SCFD2: variants seen among roughly 807,000 people sequenced by gnomAD.
SCFD2 encodes the protein sec1 family domain-containing protein 2.
In SCFD2, 54 loss-of-function variants were observed where a neutral mutation model predicts 58.9. The observed-to-expected ratio is 0.92, with a 90% CI of 0.74 to 1.15. The LOEUF (loss-of-function observed/expected upper bound fraction) is 1.15, where lower values mean the gene tolerates loss of function less well. Ranked by LOEUF, SCFD2 falls within the 50% of genes most tolerant of loss-of-function variation. The pLI is 0.00. For synonymous variants in SCFD2, 321 were observed against 335.9 expected, an observed-to-expected ratio of 0.96 and a Z score of 0.49; for missense variants, 805 against 836.6, an observed-to-expected ratio of 0.96 and a Z score of 0.47.
intron 5 of SCFD2, among the ~76,000 whole-genome samples, chr4:52,944,022 G>C (rs1431863166): frequency 6.6e-6 from 1 of 152,140 alleles, no homozygotes. Context: ...TTATTTAGCA[G>C]ATAAACCCTT....
chr4:53,235,797 G>A (rs1434657084), intron 4 of SCFD2, among the ~76,000 whole-genome samples: 3 of 152,124 alleles, frequency 2.0e-5, no homozygotes, highest in African/African-American at 7.2e-5. Flanking sequence ...GTGTGCATAC[G>A]TGTGTGCATA....
At chr4:53,247,578 G>A (rs1222682172) in intron 4 of SCFD2, among the ~76,000 whole-genome samples, 2 of 152,116 alleles carry the variant, frequency 1.3e-5, no homozygotes, top group Non-Finnish European at 2.9e-5. Flanking sequence ...AACAAGATCA[G>A]GCCGGGCGCG....
At chr4:52,890,502 C>A (rs1269295980) in intron 7 of SCFD2, among the ~76,000 whole-genome samples, 3 of 152,150 alleles carry the variant, frequency 2.0e-5, no homozygotes, top group Non-Finnish European at 2.9e-5. Flanking sequence ...TCAGCCTTTT[C>A]CATCAGAATA....
intron 4 of SCFD2, among the ~76,000 whole-genome samples, chr4:53,229,483 T>C (rs1196831750): frequency 6.6e-6 from 1 of 152,198 alleles, no homozygotes; most frequent in Non-Finnish European, 1.5e-5. Flanking sequence ...TACAACTATC[T>C]GATCTTTGAC....
At chr4:52,976,515 A>C (rs1721263815) in intron 5 of SCFD2, among the ~76,000 whole-genome samples, 1 of 152,134 alleles carries the variant, frequency 6.6e-6, no homozygotes, top group African/African-American at 2.4e-5. Flanking sequence ...AAATAGTAAA[A>C]ATTCTGGTGG....
chr4:53,080,810 T>C (rs768507753), intron 5 of SCFD2, among the ~76,000 whole-genome samples: 6 of 152,294 alleles, frequency 3.9e-5, no homozygotes, highest in Middle Eastern at 3.4e-3. Context: ...TTAATATAAA[T>C]AGCTGTTTAG....
At chr4:53,194,315 C>T (rs1318924897) in intron 4 of SCFD2, among the ~76,000 whole-genome samples, 1 of 152,090 alleles carries the variant, frequency 6.6e-6, no homozygotes, top group Admixed American at 6.6e-5. Flanking sequence ...TTAGCTTATA[C>T]CTCTGAGATT....
At chr4:52,887,574 G>A (rs1326902899) in intron 7 of SCFD2, among the ~76,000 whole-genome samples, 2 of 152,206 alleles carry the variant, frequency 1.3e-5, no homozygotes, top group Admixed American at 6.5e-5. Flanking sequence ...TCAGTCACCA[G>A]AAGGGTGGAG....
chr4:52,973,545 A>G (rs1721166855), intron 5 of SCFD2, among the ~76,000 whole-genome samples: 1 of 152,186 alleles, frequency 6.6e-6, no homozygotes, highest in Admixed American at 6.5e-5. Flanking sequence ...CCAACCAAAA[A>G]AACTCCAGGA....
At chr4:53,253,718 A>G in intron 4 of SCFD2, among the ~76,000 whole-genome samples, 1 of 123,844 alleles carries the variant, frequency 8.1e-6, no homozygotes, top group Non-Finnish European at 1.6e-5. Context: ...GAAGGGGAAC[A>G]TCACATGCTG....
intron 5 of SCFD2, among the ~76,000 whole-genome samples, chr4:53,079,267 C>G (rs1454765087): frequency 6.6e-6 from 1 of 152,128 alleles, no homozygotes; most frequent in Non-Finnish European, 1.5e-5. Context: ...TGTCCCAGCT[C>G]AAGCAGACAG....
intron 5 of SCFD2, among the ~76,000 whole-genome samples, chr4:53,133,899 A>G (rs549753786): frequency 6.6e-6 from 1 of 152,358 alleles, no homozygotes; most frequent in South Asian, 2.1e-4. Flanking sequence ...TTGTCTGTCA[A>G]TGAACATTTA....
Position 52,910,771 on chromosome 4 carries a change from C to T in SCFD2, c.1708-3180G>A, listed in dbSNP as rs76712997. On this transcript the variant is annotated intron_variant, in intron 6 of 8. Transcript: ENST00000401642. ...GTGGGAGGTAGTTTAGTCATGGGGG[C>T]GGTTACACTCATGCTGTTCTCATGA... Among the ~76,000 whole-genome samples, 1,190 of 152,176 alleles carry T rather than the reference C, an allele frequency of 7.8e-3. 13 individuals carry two copies. The highest frequency in any genetic ancestry group is 0.026 in the African/African-American group (1,059 of 41,526).
intron 5 of SCFD2, among the ~76,000 whole-genome samples, chr4:53,118,236 C>T (rs1258074610): frequency 6.6e-6 from 1 of 152,094 alleles, no homozygotes; most frequent in Non-Finnish European, 1.5e-5. Flanking sequence ...CATTGTTTTC[C>T]CAGAACCCAT....
chr4:53,326,501 A>AT (rs1367175922), intron 2 of SCFD2, among the ~76,000 whole-genome samples: 3 of 151,972 alleles, frequency 2.0e-5, no homozygotes, highest in African/African-American at 4.8e-5. Flanking sequence ...CCTTAACCTG[A>AT]TAAAAAAAAA....
chr4:53,237,823 C>G (rs1729701271), intron 4 of SCFD2, among the ~76,000 whole-genome samples: 1 of 10,372 alleles, frequency 9.6e-5, no homozygotes, highest in Non-Finnish European at 2.1e-4. Context: ...CAGAGGGGCT[C>G]CTCACTTCCC....
intron 4 of SCFD2, among the ~76,000 whole-genome samples, chr4:53,162,987 T>C (rs1726899693): frequency 6.6e-6 from 1 of 152,204 alleles, no homozygotes; most frequent in African/African-American, 2.4e-5. Context: ...GGCATTTCAG[T>C]GGCTGAGGCC....
At chr4:53,248,918 G>T (rs1035882071) in intron 4 of SCFD2, among the ~76,000 whole-genome samples, 11 of 152,336 alleles carry the variant, frequency 7.2e-5, no homozygotes, top group African/African-American at 1.9e-4. Context: ...CCAAAGGAAC[G>T]CAGTTCCTCA....
intron 2 of SCFD2, among the ~76,000 whole-genome samples, chr4:53,345,467 G>A (rs889429098): frequency 2.0e-5 from 3 of 152,152 alleles, no homozygotes; most frequent in African/African-American, 7.2e-5. Context: ...GAGAGGATGT[G>A]GAGAAATAGG....
Sources: allele counts gnomAD v4.1 joint callset (sites outside exome capture counted in the v4.1 genomes callset), GRCh38; gene constraint gnomAD v4.1.1; transcripts MANE v1.5; gene names NCBI Gene and HGNC (gene_info 2026-07-23, HGNC 2026-07-21).